Variants in SNX8 observed in about 807,000 individuals in gnomAD.
The protein encoded by SNX8 is sorting nexin 8.
Under a neutral mutation model 51.6 loss-of-function variants are expected in SNX8, and 25 were observed. That is an observed-to-expected ratio of 0.48 (90% confidence interval 0.35 to 0.68). SNX8 has a LOEUF of 0.68. Among genes scored for constraint, SNX8 ranks in the 30% least tolerant of loss-of-function variants. The probability of loss-of-function intolerance (pLI) is 0.00; values close to 1 mark genes in which losing one functional copy is unlikely to be tolerated. For synonymous variants in SNX8, 324 were observed against 277.0 expected (o/e 1.17, Z -1.68); for missense variants, 695 against 624.0 (o/e 1.11, Z -1.21).
intron 1 of SNX8, among the ~76,000 whole-genome samples, chr7:2,351,082 G>A (rs1779128586): frequency 6.6e-6 from 1 of 152,040 alleles, no homozygotes; most frequent in Non-Finnish European, 1.5e-5. Context: ...GCGCCACTGT[G>A]CTCCCGGCCT....
Position 2,280,168 on chromosome 7 carries a change from G to T in SNX8, c.95-1863C>A, listed in dbSNP as rs113781515. ...AAAACTCCAGCTGCCTTACAGACAA[G>T]AAGTCACCGTGCACCCTGCACAAAG... On this transcript the variant is annotated intron_variant, in intron 1 of 10. Coordinates refer to ENST00000222990, the MANE Select transcript of SNX8 (RefSeq NM_013321.4). Among the ~76,000 whole-genome samples, 351 of 152,290 alleles carry T rather than the reference G, an allele frequency of 2.3e-3. 2 individuals carry two copies. The highest frequency in any genetic ancestry group is 4.2e-3 in the Non-Finnish European group (285 of 68,024).
At chr7:2,294,279 A>G (rs999320452) in intron 1 of SNX8, among the ~76,000 whole-genome samples, 1 of 151,868 alleles carries the variant, frequency 6.6e-6, no homozygotes, top group Non-Finnish European at 1.5e-5. Flanking sequence ...AAATAAATAA[A>G]TAAGAAAAAA....
chr7:2,320,818 T>G (rs1252293216), intron 1 of SNX8, among the ~76,000 whole-genome samples: 2 of 151,494 alleles, frequency 1.3e-5, no homozygotes, highest in Non-Finnish European at 2.9e-5. Flanking sequence ...GTCAGGAGTT[T>G]GAGACCAGCC....
chr7:2,293,827 G>C (rs966458087), intron 1 of SNX8, among the ~76,000 whole-genome samples: 1 of 151,368 alleles, frequency 6.6e-6, no homozygotes, highest in African/African-American at 2.4e-5. Context: ...GCTGGGTGTG[G>C]TGGTGCGTGC....
chr7:2,337,242 G>C (rs914902874), intron 1 of SNX8: 1 of 152,184 alleles, frequency 6.6e-6, no homozygotes, highest in Non-Finnish European at 1.5e-5. Context: ...ATCACTTGAG[G>C]TCAGGAGTTC....
upstream of SNX8, chr7:2,314,486 G>A: frequency 8.5e-7 from 1 of 1,172,648 alleles, no homozygotes; most frequent in Non-Finnish European, 1.1e-6. Flanking sequence ...GCCGCGCCGC[G>A]CCCTCGCCCC....
intron 1 of SNX8, among the ~76,000 whole-genome samples, chr7:2,343,801 T>C (rs2398662): frequency 0.52 from 79,168 of 151,718 alleles, 20,799 homozygotes; most frequent in East Asian, 0.67. Context: ...GGCCGATCAC[T>C]TGAGGTCGGG....
chr7:2,325,479 C>G (rs1778606491), intron 1 of SNX8, among the ~76,000 whole-genome samples: 1 of 152,124 alleles, frequency 6.6e-6, no homozygotes, highest in African/African-American at 2.4e-5. Flanking sequence ...CACAAACAGA[C>G]TCTTGGTAAC....
chr7:2,289,471 G>A (rs775664461), intron 1 of SNX8, among the ~76,000 whole-genome samples: 101 of 152,136 alleles, frequency 6.6e-4, no homozygotes, highest in Non-Finnish European at 1.2e-3. Flanking sequence ...AGCATTTTCC[G>A]TCCGTCTTCC....
In SNX8 at chr7:2,252,691, C is replaced by T. The variant is rs1188180564; in HGVS notation, c.*2365G>A. 1.5e-5 allele frequency: 2 copies of T among 135,822 alleles called. No individual in the cohort carries two copies. Among genetic ancestry groups the T allele is most frequent in the Non-Finnish European group, 3.2e-5 (2 of 62,264 alleles). 8.4% of individuals were successfully genotyped at this position (135,822 alleles called of 1,614,324 possible). ...TCCTGCCCCCCCACCTCCCTCCTGC[C>T]TTCCCACCCCTGCCCTCTTGCTCTC... On this transcript the variant is annotated 3_prime_UTR_variant, in exon 11 of 11. Transcript: ENST00000222990.
At chr7:2,299,420 G>A (rs549462363) in intron 1 of SNX8, 13 of 152,216 alleles carry the variant, frequency 8.5e-5, no homozygotes, top group African/African-American at 2.9e-4. Context: ...AGAGCCATCC[G>A]TCCCACCAAT....
intron 1 of SNX8, among the ~76,000 whole-genome samples, chr7:2,292,573 G>A (rs879614094): frequency 3.0e-4 from 46 of 151,776 alleles, no homozygotes; most frequent in East Asian, 9.9e-4. Flanking sequence ...CACCACACCC[G>A]GCTAATTTTT....
chr7:2,276,245 C>T (rs1433723437), intron 2 of SNX8, among the ~76,000 whole-genome samples: 1 of 152,168 alleles, frequency 6.6e-6, no homozygotes, highest in Non-Finnish European at 1.5e-5. Flanking sequence ...GGCTGCCAGG[C>T]CCCAGAAGGA....
In SNX8 at chr7:2,257,786, G is replaced by A. The variant is rs1301260212; in HGVS notation, c.933C>T (p.Asn311=). 2 of 1,613,970 alleles carry A rather than the reference G, an allele frequency of 1.2e-6. No individual in the cohort carries two copies. Among genetic ancestry groups the A allele is most frequent in the Non-Finnish European group, 1.7e-6 (2 of 1,179,972 alleles). ...KAAQQGKQEE[N]DVVEKLNLFL... ...AGAGGTTCAGCTTCTCCACCACGTC[G>A]TTCTCTTCCTGCTTACCCTGGAAGG... Residue 311 remains asparagine, a synonymous_variant, in exon 8 of 11, where the codon AAC becomes AAT. Transcript: ENST00000222990.
chr7:2,343,541 G>A (rs886287200), intron 1 of SNX8, among the ~76,000 whole-genome samples: 5 of 151,956 alleles, frequency 3.3e-5, no homozygotes, highest in African/African-American at 4.8e-5. Flanking sequence ...CGGGTGTGGT[G>A]GCGTGCACCT....
chr7:2,332,689 A>G (rs763561796), intron 1 of SNX8, among the ~76,000 whole-genome samples: 1 of 151,176 alleles, frequency 6.6e-6, no homozygotes, highest in Non-Finnish European at 1.5e-5. Context: ...CATCAAGGCT[A>G]CTGTGAGCTA....
chr7:2,266,681 C>T (rs1332031380), intron 5 of SNX8, among the ~76,000 whole-genome samples: 1 of 151,828 alleles, frequency 6.6e-6, no homozygotes, highest in Non-Finnish European at 1.5e-5. Flanking sequence ...TTTTGTTTTC[C>T]TTTTTTGTTT....
At chr7:2,340,578 C>T (rs936824990) in intron 1 of SNX8, among the ~76,000 whole-genome samples, 3 of 151,496 alleles carry the variant, frequency 2.0e-5, no homozygotes, top group Non-Finnish European at 2.9e-5. Context: ...AAAACTAGGC[C>T]AGGTGCGGTG....
At chr7:2,314,057 C>A (rs1249758932) in intron 1 of SNX8, among the ~76,000 whole-genome samples, 2 of 152,248 alleles carry the variant, frequency 1.3e-5, no homozygotes, top group African/African-American at 4.8e-5. Context: ...CGCCTCGGAA[C>A]GCGGCCAGCT....
Sources: gnomAD v4.1 joint callset for allele counts (sites outside exome capture counted in the v4.1 genomes callset) on GRCh38, gnomAD v4.1.1 for gene constraint, MANE v1.5 for transcripts, NCBI Gene and HGNC (gene_info 2026-07-23, HGNC 2026-07-21) for gene names.